RLF: variants seen among roughly 807,000 people sequenced by gnomAD.
RLF encodes the protein zinc finger protein Rlf.
Under a neutral mutation model 162.9 loss-of-function variants are expected in RLF, and 7 were observed. The observed-to-expected ratio is 0.04, with a 90% CI of 0.02 to 0.08. The LOEUF (loss-of-function observed/expected upper bound fraction) is 0.08. RLF is among the 10% of genes least tolerant of loss of function. RLF has a pLI of 1.00. For missense variants in RLF, 1,664 were observed against 2,244.7 expected, an observed-to-expected ratio of 0.74 and a Z score of 5.23; for synonymous variants, 782 against 791.5, an observed-to-expected ratio of 0.99 and a Z score of 0.20.
chr1:40,226,465 A>G (rs1255063394), intron 6 of RLF, among the ~76,000 whole-genome samples: 1 of 152,220 alleles, frequency 6.6e-6, no homozygotes, highest in Non-Finnish European at 1.5e-5. Flanking sequence ...GTAATGTGCT[A>G]AGCTTAAATT....
intron 5 of RLF, among the ~76,000 whole-genome samples, chr1:40,212,071 A>G (rs1289722578): frequency 2.0e-5 from 3 of 152,288 alleles, no homozygotes; most frequent in Non-Finnish European, 2.9e-5. Flanking sequence ...TACGTTCTAA[A>G]GTAGCAGAGT....
In RLF at chr1:40,239,088, A is replaced by C. The variant is rs1643255957; in HGVS notation, c.4386A>C (p.Ser1462=). The change falls in exon 8 of 8, where the codon TCA becomes TCC. Residue 1462 remains serine (S), a synonymous_variant. Transcript: ENST00000372771. ...GQIFTHRSNY[S]QHVYYRHKDY... The stretch of plus-strand genomic sequence containing the variant: ...TTTTCACCCATCGCAGTAATTACTC[A>C]CAACATGTATATTACCGACATAAAG... The C allele has an allele frequency of 6.2e-7, 1 of 1,614,158 alleles. No homozygotes were observed. Among genetic ancestry groups the C allele is most frequent in the Non-Finnish European group, 8.5e-7 (1 of 1,180,026 alleles).
At position 40,228,285 on chromosome 1, in the gene RLF, C is replaced by CA. The variant is rs1174639258; in HGVS notation, c.948-3220dup. Among the ~76,000 whole-genome samples the CA allele has an allele frequency of 5.9e-3, 758 of 128,616 alleles. 13 individuals are homozygous for CA. The highest frequency in any genetic ancestry group is 0.039 in the East Asian group (162 of 4,148). 84.4% of individuals were successfully genotyped at this position (128,616 alleles called of 152,430 possible). On this transcript the variant is annotated intron_variant, in intron 6 of 7. Coordinates refer to ENST00000372771, the MANE Select transcript of RLF (RefSeq NM_012421.4). ...TGGGCAACAGAACAAGACTCCATCT[C>CA]AAAAAAAAAAAAGCCAGGCGTGGTG...
chr1:40,226,812 C>G (rs575739918), intron 6 of RLF, among the ~76,000 whole-genome samples: 1 of 152,140 alleles, frequency 6.6e-6, no homozygotes, highest in East Asian at 1.9e-4. Context: ...TCATGGGCTT[C>G]TTGCTATGTA....
intron 5 of RLF, among the ~76,000 whole-genome samples, chr1:40,210,734 T>C (rs9438936): frequency 0.079 from 11,956 of 152,136 alleles, 574 homozygotes; most frequent in East Asian, 0.23. Flanking sequence ...CAGAGGAGGA[T>C]GTACAGAGAT....
In RLF at chr1:40,173,073, G is replaced by GTTTTTTTTTTTTTTTTTT. The variant is rs765020752; in HGVS notation, c.237+11438_237+11455dup. On this transcript the variant is annotated intron_variant, in intron 1 of 7. Coordinates refer to ENST00000372771, the MANE Select transcript of RLF (RefSeq NM_012421.4). ...TAATTTGCATTTTAGTAACATTCAGGTTTTTTTTTTTTTTTTTTGTGAGGC... is the reference window on the plus strand; with the variant it reads ...TAATTTGCATTTTAGTAACATTCAGGTTTTTTTTTTTTTTTTTTTTTTTTTTTTTTTTTTTTGTGAGGC... Among the ~76,000 whole-genome samples the GTTTTTTTTTTTTTTTTTT allele has an allele frequency of 3.7e-4, 48 of 128,984 alleles. 1 individual carries two copies. The highest frequency in any genetic ancestry group is 4.1e-3 in the Middle Eastern group (1 of 246). The allele number at this position is 128,984 out of a possible 152,430, so 84.6% of individuals were successfully genotyped here. A position where few individuals can be genotyped will look rare whatever the true frequency, so the allele number is the denominator to read the frequency against.
chr1:40,181,604 T>C (rs1642405608), intron 1 of RLF, among the ~76,000 whole-genome samples: 2 of 152,248 alleles, frequency 1.3e-5, no homozygotes, highest in Admixed American at 1.3e-4. Context: ...ATTAGGTGTT[T>C]AGATTATTAA....
chr1:40,217,678 A>G (rs562166878), intron 5 of RLF, among the ~76,000 whole-genome samples: 11 of 152,014 alleles, frequency 7.2e-5, no homozygotes, highest in South Asian at 2.1e-4. Flanking sequence ...AGGCTGAGGC[A>G]GGAGAATTGC....
intron 5 of RLF, among the ~76,000 whole-genome samples, chr1:40,217,768 CAAAAAAAG>C (rs1198659827): frequency 5.3e-5 from 8 of 151,562 alleles, no homozygotes; most frequent in Non-Finnish European, 1.2e-4. Flanking sequence ...CAATCCGTCT[CAAAAAAAG>C]AAAGAAAGAA....
chr1:40,169,170 C>T (rs183468661), intron 1 of RLF, among the ~76,000 whole-genome samples: 8 of 152,230 alleles, frequency 5.3e-5, no homozygotes, highest in Non-Finnish European at 1.2e-4. Flanking sequence ...ATTTTACAGA[C>T]AGAAAACTGA....
intron 5 of RLF, among the ~76,000 whole-genome samples, chr1:40,207,255 T>C (rs900859426): frequency 6.6e-6 from 1 of 152,216 alleles, no homozygotes; most frequent in Admixed American, 6.5e-5. Flanking sequence ...GATCTTTTGT[T>C]ACTAGGATTT....
At position 40,236,964 on chromosome 1, in the gene RLF, A is replaced by G. The variant is rs1401939347; in HGVS notation, c.2262A>G (p.Gly754=). The part of the protein sequence containing the change: ...CVSIDCYARF[G]SVNELLNHKQ... ...CTATAGATTGCTATGCTAGGTTTGG[A>G]TCAGTAAATGAACTACTTAACCATA... The change falls in exon 8 of 8, where the codon GGA becomes GGG. Residue 754 remains glycine, a synonymous_variant. Coordinates refer to ENST00000372771, the MANE Select transcript of RLF (RefSeq NM_012421.4). This position sits in a 1 kb window ranked among gnomAD's most constrained non-coding sequence, Gnocchi z 7.7. The G allele has an allele frequency of 1.2e-6, 2 of 1,614,052 alleles. No homozygotes were observed. The highest frequency in any genetic ancestry group is 1.7e-6 in the Non-Finnish European group (2 of 1,180,024).
intron 5 of RLF, among the ~76,000 whole-genome samples, chr1:40,209,705 G>A (rs951621620): frequency 2.0e-5 from 3 of 151,996 alleles, no homozygotes; most frequent in Non-Finnish European, 2.9e-5. Flanking sequence ...GTGAAACCTT[G>A]TCTCTACTAA....
chr1:40,202,802 G>A (rs1316140568), intron 5 of RLF, among the ~76,000 whole-genome samples, 188 bp downstream of exon 5: 4 of 152,090 alleles, frequency 2.6e-5, no homozygotes, highest in Non-Finnish European at 5.9e-5. Context: ...GAGTGAATTT[G>A]AAAAGTAGAT....
At chr1:40,170,124 C>CA (rs1255822598) in intron 1 of RLF, among the ~76,000 whole-genome samples, 1 of 152,150 alleles carries the variant, frequency 6.6e-6, no homozygotes, top group Non-Finnish European at 1.5e-5. Context: ...GCTCAAGAGT[C>CA]ACATTGCTTT....
At chr1:40,173,285 A>G (rs754016848) in intron 1 of RLF, among the ~76,000 whole-genome samples, 13 of 151,924 alleles carry the variant, frequency 8.6e-5, no homozygotes, top group Non-Finnish European at 1.5e-4. Flanking sequence ...CATGTTGGTC[A>G]GGCTGATCTT....
intron 1 of RLF, among the ~76,000 whole-genome samples, chr1:40,188,456 G>T (rs901672275): frequency 6.6e-6 from 1 of 152,078 alleles, no homozygotes; most frequent in South Asian, 2.1e-4. Flanking sequence ...CTGGCATTTG[G>T]CCTATATGGT....
At chr1:40,216,880 C>T (rs1002809273) in intron 5 of RLF, among the ~76,000 whole-genome samples, 4 of 151,986 alleles carry the variant, frequency 2.6e-5, no homozygotes, top group Admixed American at 6.6e-5. Context: ...GGTGAAACCC[C>T]GTCTCTACTA....
intron 7 of RLF, among the ~76,000 whole-genome samples, chr1:40,232,881 G>T (rs1388416045): frequency 6.6e-6 from 1 of 151,576 alleles, no homozygotes; most frequent in Non-Finnish European, 1.5e-5. Flanking sequence ...TTTCTTTTTT[G>T]GCGGGGAGCA....
Sources: gnomAD v4.1 joint callset for allele counts (sites outside exome capture counted in the v4.1 genomes callset) on GRCh38, gnomAD v4.1.1 for gene constraint, Gnocchi (gnomAD v3.1) non-coding constraint, MANE v1.5 for transcripts, NCBI Gene and HGNC (gene_info 2026-07-23, HGNC 2026-07-21) for gene names.